GLRX5: variants seen among roughly 807,000 people sequenced by gnomAD.
The protein encoded by GLRX5 is glutaredoxin 5, also known as glutaredoxin-related protein 5, mitochondrial.
Under a neutral mutation model 13.8 loss-of-function variants are expected in GLRX5, and 10 were observed. That is an observed-to-expected ratio of 0.72 (90% CI 0.45 to 1.23). The LOEUF (loss-of-function observed/expected upper bound fraction) is 1.23, where lower values mean the gene tolerates loss of function less well. Ranked by LOEUF, GLRX5 falls within the 50% of genes most tolerant of loss-of-function variation. The pLI is 0.00. For missense variants in GLRX5, 233 were observed against 215.2 expected, an observed-to-expected ratio of 1.08 and a Z score of -0.52; for synonymous variants, 98 against 101.1, an observed-to-expected ratio of 0.97 and a Z score of 0.18.
rs1435665912 is a variant in GLRX5, at chr14:95,535,065, C to G, written c.-25C>G. 6.8e-6 allele frequency: 9 copies of G among 1,332,250 alleles called. No individual in the cohort carries two copies. The highest frequency in any genetic ancestry group is 8.7e-6 in the Non-Finnish European group (9 of 1,029,706). 82.5% of individuals were successfully genotyped at this position (1,332,250 alleles called of 1,614,324 possible). A position where few individuals can be genotyped will look rare whatever the true frequency, so the allele number is the denominator to read the frequency against. On this transcript the variant is annotated 5_prime_UTR_variant, in exon 1 of 2. Transcript: ENST00000331334. Reference sequence around the variant, plus strand: ...GTGGCCAGCTGTGGGCCCGGGCCGTCGTGGGCTCCGGCTTGCGTGCGGAGA... The same window carrying G: ...GTGGCCAGCTGTGGGCCCGGGCCGTGGTGGGCTCCGGCTTGCGTGCGGAGA...
intron 1 of GLRX5, among the ~76,000 whole-genome samples, chr14:95,537,214 G>A (rs900357680): frequency 4.3e-4 from 66 of 152,230 alleles, no homozygotes; most frequent in Admixed American, 3.2e-3. Flanking sequence ...GAGATATGCT[G>A]GAATATAGCT....
At chr14:95,541,065 C>A (rs1891466027) in intron 1 of GLRX5, among the ~76,000 whole-genome samples, 1 of 152,064 alleles carries the variant, frequency 6.6e-6, no homozygotes, top group African/African-American at 2.4e-5. Context: ...CATTTTCTGC[C>A]CCAGATGGAA....
intron 1 of GLRX5, among the ~76,000 whole-genome samples, chr14:95,542,609 A>G (rs1891490705): frequency 1.3e-5 from 2 of 152,212 alleles, no homozygotes; most frequent in African/African-American, 4.8e-5. Context: ...GGGTATCAAG[A>G]GCAAGTTTTT....
chr14:95,535,356 C>T lies in GLRX5; in HGVS notation c.267C>T (p.Asn89=). 2.6e-6 allele frequency: 4 copies of T among 1,552,478 alleles called. No individual in the cohort carries two copies. Among genetic ancestry groups the T allele is most frequent in the East Asian group, 4.8e-5 (2 of 41,422 alleles). The change falls in exon 1 of 2, where the codon AAC becomes AAT. Residue 89 remains asparagine (N), a synonymous_variant. Transcript: ENST00000331334. ...LHGVRDYAAY[N]VLDDPELRQG... is the part of the protein sequence containing the mutation. ...GCGTCCGCGATTACGCGGCCTACAA[C>T]GTGCTGGACGACCCGGAGCTCCGAC...
At chr14:95,536,137 T>C (rs1316902801) in intron 1 of GLRX5, among the ~76,000 whole-genome samples, 1 of 152,162 alleles carries the variant, frequency 6.6e-6, no homozygotes, top group Non-Finnish European at 1.5e-5. Flanking sequence ...ACTCACTGGC[T>C]CAGCCTTGGA....
At chr14:95,535,490 C>T in intron 1 of GLRX5, 106 bp downstream of exon 1, 1 of 1,121,720 alleles carries the variant, frequency 8.9e-7, no homozygotes, top group South Asian at 1.4e-5. Flanking sequence ...GGGCTCCATC[C>T]GCCGGGGTCT....
At position 95,540,693 on chromosome 14, in the gene GLRX5, C is replaced by G. The variant is rs191185802; in HGVS notation, c.296-3254C>G. Among the ~76,000 whole-genome samples the G allele has an allele frequency of 2.9e-3, 447 of 152,276 alleles. 3 individuals carry two copies. Among genetic ancestry groups the G allele is most frequent in the Non-Finnish European group, 4.8e-3 (324 of 68,014 alleles). ...TGTAACTTGCCCAAGATCACAGAGT[C>G]TAGTAGGTAAGAGACAGAGTTGGAA... On this transcript the variant is annotated intron_variant, in intron 1 of 1. Transcript: ENST00000331334.
intron 1 of GLRX5, among the ~76,000 whole-genome samples, chr14:95,537,998 C>T (rs1003549657): frequency 2.6e-5 from 4 of 152,166 alleles, no homozygotes; most frequent in Non-Finnish European, 5.9e-5. Context: ...AACTTATGCT[C>T]ATGGAAGCAA....
intron 1 of GLRX5, chr14:95,542,839 G>T: frequency 3.0e-6 from 1 of 334,814 alleles, no homozygotes; most frequent in Non-Finnish European, 6.0e-6. Flanking sequence ...TTTAATGGCC[G>T]ACTATGTTTT....
Position 95,535,098 on chromosome 14 carries a change from G to T in GLRX5, c.9G>T (p.Gly3=), listed in dbSNP as rs894818908. The change falls in exon 1 of 2, where the codon GGG becomes GGT. Residue 3 remains glycine, a synonymous_variant. Transcript: ENST00000331334. ...CCGGCTTGCGTGCGGAGATGAGCGG[G>T]TCCCTCGGCCGAGCTGCGGCGGCTC... MS[G]SLGRAAAALL... 12 of 1,318,834 alleles carry T rather than the reference G, an allele frequency of 9.1e-6. No individual in the cohort carries two copies. The highest frequency in any genetic ancestry group is 3.0e-4 in the Middle Eastern group (1 of 3,346). 81.7% of individuals were successfully genotyped at this position (1,318,834 alleles called of 1,614,324 possible). A position where few individuals can be genotyped will look rare whatever the true frequency, so the allele number is the denominator to read the frequency against.
At chr14:95,541,856 G>A (rs1398254833) in intron 1 of GLRX5, among the ~76,000 whole-genome samples, 1 of 152,188 alleles carries the variant, frequency 6.6e-6, no homozygotes, top group Non-Finnish European at 1.5e-5. Context: ...CATTTTTGGT[G>A]TGTTTCAGAA....
At chr14:95,540,828 T>C (rs1891462209) in intron 1 of GLRX5, among the ~76,000 whole-genome samples, 1 of 152,252 alleles carries the variant, frequency 6.6e-6, no homozygotes, top group Non-Finnish European at 1.5e-5. Flanking sequence ...TCAGGAGTAA[T>C]GCCCAGTGTT....
chr14:95,544,329 A>T lies in GLRX5; in HGVS notation c.*204A>T, dbSNP rs1044746. The stretch of plus-strand genomic sequence containing the variant: ...TTGTGGACTTAATTACAACCACTGC[A>T]CTGTAATGATTCAATGCTGTATTAT... On this transcript the variant is annotated 3_prime_UTR_variant, in exon 2 of 2. Coordinates refer to ENST00000331334, the MANE Select transcript of GLRX5 (RefSeq NM_016417.3). 4.9e-6 allele frequency: 3 copies of T among 609,296 alleles called. No homozygotes were observed. The highest frequency in any genetic ancestry group is 8.8e-6 in the Non-Finnish European group (3 of 339,644). The allele number at this position is 609,296 out of a possible 1,614,324, so 37.7% of individuals were successfully genotyped here.
Position 95,535,192 on chromosome 14 carries a change from G to A in GLRX5, c.103G>A (p.Gly35Ser), listed in dbSNP as rs1891339757. 9 of 1,502,056 alleles carry A rather than the reference G, an allele frequency of 6.0e-6. No individual in the cohort carries two copies. Among genetic ancestry groups the A allele is most frequent in the Non-Finnish European group, 7.1e-6 (8 of 1,124,606 alleles). The allele number at this position is 1,502,056 out of a possible 1,614,324, so 93.0% of individuals were successfully genotyped here. ...WGPGVRAAGS[G>S]AGGGGSAEQL... Reference sequence around the variant, plus strand: ...TCCGGGCGTGCGGGCGGCGGGCTCGGGCGCGGGCGGCGGCGGCTCGGCGGA... The same window carrying A: ...TCCGGGCGTGCGGGCGGCGGGCTCGAGCGCGGGCGGCGGCGGCTCGGCGGA... The change falls in exon 1 of 2, where the codon GGC (glycine) becomes AGC (serine). Residue 35 changes from glycine to serine, a missense_variant. Physicochemically the swap from Gly to Ser is moderately conservative, Grantham distance 56. Coordinates refer to ENST00000331334, the MANE Select transcript of GLRX5 (RefSeq NM_016417.3).
chr14:95,544,465 C>G lies in GLRX5; in HGVS notation c.*340C>G, dbSNP rs1259112948. 3.8e-6 allele frequency: 1 copy of G among 260,170 alleles called. No homozygotes were observed. Among genetic ancestry groups the G allele is most frequent in the African/African-American group, 2.2e-5 (1 of 45,454 alleles). 16.1% of individuals were successfully genotyped at this position (260,170 alleles called of 1,614,324 possible). On this transcript the variant is annotated 3_prime_UTR_variant, in exon 2 of 2. Coordinates refer to ENST00000331334, the MANE Select transcript of GLRX5 (RefSeq NM_016417.3). ...ATTCATGACCCCTCTGCAAATGTGT[C>G]AGTCTCCAAAGAGAGTATCTCCCCC...
chr14:95,539,728 A>G (rs1175991576), intron 1 of GLRX5, among the ~76,000 whole-genome samples: 5 of 152,166 alleles, frequency 3.3e-5, no homozygotes, highest in African/African-American at 1.2e-4. Context: ...GAGTTTCGGT[A>G]AGTTACTTAA....
chr14:95,540,153 A>C (rs767328450), intron 1 of GLRX5, among the ~76,000 whole-genome samples: 1 of 152,198 alleles, frequency 6.6e-6, no homozygotes, highest in Non-Finnish European at 1.5e-5. Context: ...GGCCTCCCAA[A>C]GTGCTGGGAT....
intron 1 of GLRX5, among the ~76,000 whole-genome samples, chr14:95,538,694 A>C (rs1287494686): frequency 6.6e-6 from 1 of 152,068 alleles, no homozygotes; most frequent in Non-Finnish European, 1.5e-5. Context: ...CTGCAAACTT[A>C]CCCTAGTAAA....
chr14:95,543,428 G>A (rs1254877914), intron 1 of GLRX5: 8 of 319,888 alleles, frequency 2.5e-5, no homozygotes, highest in Non-Finnish European at 5.0e-5. Flanking sequence ...GTCATGAAAA[G>A]TGCACAGGTG....
Sources: allele counts gnomAD v4.1 joint callset (sites outside exome capture counted in the v4.1 genomes callset), GRCh38; gene constraint gnomAD v4.1.1; transcripts MANE v1.5; gene names NCBI Gene and HGNC (gene_info 2026-07-23, HGNC 2026-07-21).